The following ZFYVE1 variants were observed in gnomAD, a reference collection of about 807,000 sequenced individuals.
ZFYVE1 encodes the protein zinc finger FYVE domain-containing protein 1.
In ZFYVE1, 30 loss-of-function variants were observed where a neutral mutation model predicts 74.4. The observed-to-expected ratio is 0.40, with a 90% CI of 0.30 to 0.55. The LOEUF (loss-of-function observed/expected upper bound fraction) is 0.55. ZFYVE1 is among the 20% of genes least tolerant of loss of function. The pLI is 0.42. For missense variants in ZFYVE1, 703 were observed against 1,011.6 expected (o/e 0.69, Z 4.14); for synonymous variants, 335 against 385.1 (o/e 0.87, Z 1.52).
Position 72,978,047 on chromosome 14 carries a change from A to G in ZFYVE1, c.1518-3T>C. ...AGTTAGGACATTCGATCACATACCT[A>G]CAAGGAAAGCAAATCAATACTGTTA... On this transcript the variant is annotated splice_region_variant and splice_polypyrimidine_tract_variant and intron_variant, in intron 7 of 11. Coordinates refer to ENST00000556143, the MANE Select transcript of ZFYVE1 (RefSeq NM_021260.4). The G allele has an allele frequency of 1.2e-6, 2 of 1,614,178 alleles. No homozygotes were observed. The highest frequency in any genetic ancestry group is 1.7e-6 in the Non-Finnish European group (2 of 1,180,016).
At chr14:72,998,929 T>A (rs1893811265) in intron 2 of ZFYVE1, among the ~76,000 whole-genome samples, 1 of 149,496 alleles carries the variant, frequency 6.7e-6, no homozygotes, top group South Asian at 2.1e-4. Context: ...CATGGTGAAA[T>A]CCTGTCTCTG....
Position 73,026,991 on chromosome 14 carries a change from C to CA in ZFYVE1, c.-501_-500insT. On this transcript the variant is annotated 5_prime_UTR_variant, in exon 1 of 12. The change creates a new upstream start codon in the 5' untranslated region. Coordinates refer to ENST00000556143, the MANE Select transcript of ZFYVE1 (RefSeq NM_021260.4). ...CGCAGGGCGCCAGTGGGGGCAGAGG[C>CA]TATTCCTCAGGACACCGGCAGATCC... is the stretch of plus-strand genomic sequence containing the variant. 1 of 398,878 alleles carries CA rather than the reference C, an allele frequency of 2.5e-6. No homozygotes were observed. Among genetic ancestry groups the CA allele is most frequent in the Non-Finnish European group, 4.4e-6 (1 of 226,286 alleles). 24.7% of individuals were successfully genotyped at this position (398,878 alleles called of 1,614,324 possible). A position where few individuals can be genotyped will look rare whatever the true frequency, so the allele number is the denominator to read the frequency against.
intron 4 of ZFYVE1, among the ~76,000 whole-genome samples, chr14:72,989,676 G>A (rs779280094): frequency 6.6e-6 from 1 of 152,058 alleles, no homozygotes; most frequent in Admixed American, 6.6e-5. Context: ...TATTGGGAAG[G>A]AATACAGCAT....
In ZFYVE1 at chr14:72,970,996, G is replaced by A. The variant is rs1295808801; in HGVS notation, c.2220C>T (p.Cys740=). 6.2e-6 allele frequency: 10 copies of A among 1,614,236 alleles called. No individual in the cohort carries two copies. Among genetic ancestry groups the A allele is most frequent in the Middle Eastern group, 1.6e-4 (1 of 6,062 alleles). ...IKLSKHHCRA[C]GQGFCDECSH... is the part of the protein sequence containing the mutation. ...AGCACTCATCACAGAAGCCCTGTCCGCAGGCCCGGCAGTGGTGCTTGGAGA... is the reference window on the plus strand; with the variant it reads ...AGCACTCATCACAGAAGCCCTGTCCACAGGCCCGGCAGTGGTGCTTGGAGA... Residue 740 remains cysteine (C), a synonymous_variant, in exon 12 of 12, where the codon TGC becomes TGT. Transcript: ENST00000556143.
intron 4 of ZFYVE1, among the ~76,000 whole-genome samples, chr14:72,992,651 CT>C (rs1248279337): frequency 7.5e-6 from 1 of 133,834 alleles, no homozygotes; most frequent in African/African-American, 2.9e-5. Context: ...GAGAGCTGTT[CT>C]TTCTCTTTCT....
chr14:72,976,084 T>C (rs1382110540), intron 8 of ZFYVE1: 2 of 193,792 alleles, frequency 1.0e-5, no homozygotes, highest in Non-Finnish European at 2.1e-5. Context: ...TCCATTTAGG[T>C]ATCTGACTTC....
chr14:73,017,460 C>T (rs934237344), intron 2 of ZFYVE1, among the ~76,000 whole-genome samples: 1 of 152,186 alleles, frequency 6.6e-6, no homozygotes, highest in South Asian at 2.1e-4. Flanking sequence ...TGATTGACAA[C>T]CACTGTGTTA....
At chr14:73,016,134 A>G (rs1192716899) in intron 2 of ZFYVE1, among the ~76,000 whole-genome samples, 1 of 152,080 alleles carries the variant, frequency 6.6e-6, no homozygotes, top group Non-Finnish European at 1.5e-5. Flanking sequence ...CTGACCTTTA[A>G]CTTATTTGCT....
intron 8 of ZFYVE1, among the ~76,000 whole-genome samples, chr14:72,977,687 T>C (rs759042980): frequency 1.3e-5 from 2 of 152,004 alleles, no homozygotes; most frequent in Non-Finnish European, 2.9e-5. Context: ...GCCAAAGGAG[T>C]AAAACTATAG....
intron 2 of ZFYVE1, among the ~76,000 whole-genome samples, chr14:73,019,507 A>G (rs1894270733): frequency 6.6e-6 from 1 of 152,186 alleles, no homozygotes; most frequent in African/African-American, 2.4e-5. Flanking sequence ...AACCTAACTG[A>G]TAGACACTTT....
chr14:73,006,445 C>T (rs1893980858), intron 2 of ZFYVE1, among the ~76,000 whole-genome samples: 1 of 151,546 alleles, frequency 6.6e-6, no homozygotes, highest in South Asian at 2.1e-4. Flanking sequence ...TGTGGTGGCA[C>T]ATGCCTGTAA....
At chr14:72,999,677 TCAGA>T (rs1594851449) in intron 2 of ZFYVE1, among the ~76,000 whole-genome samples, 1 of 152,116 alleles carries the variant, frequency 6.6e-6, no homozygotes, top group East Asian at 1.9e-4. Context: ...ATTTGTAATC[TCAGA>T]CACTCAACAA....
In ZFYVE1 at chr14:73,013,871, C is replaced by A. The variant is rs562232956; in HGVS notation, c.483+10155G>T. Among the ~76,000 whole-genome samples, 3 of 152,238 alleles carry A rather than the reference C, an allele frequency of 2.0e-5. No homozygotes were observed. The South Asian group carries it at 6.2e-4, about 32-fold the overall frequency. ...GAAATGATCTCATGAGAGCTCCTCC[C>A]GAAGTAGGGAAGACTCCCCAGAAAA... On this transcript the variant is annotated intron_variant, in intron 2 of 11. Coordinates refer to ENST00000556143, the MANE Select transcript of ZFYVE1 (RefSeq NM_021260.4).
At chr14:73,022,078 T>C (rs1894330751) in intron 2 of ZFYVE1, among the ~76,000 whole-genome samples, 1 of 152,136 alleles carries the variant, frequency 6.6e-6, no homozygotes, top group Non-Finnish European at 1.5e-5. Flanking sequence ...CCATCAAGAA[T>C]CACCCAAAAT....
rs1233900294 is a variant in ZFYVE1 at position 73,024,521 on chromosome 14, A to G, written c.-13T>C. 1 of 1,580,898 alleles carries G rather than the reference A, an allele frequency of 6.3e-7. No homozygotes were observed. The highest frequency in any genetic ancestry group is 1.2e-5 in the South Asian group (1 of 85,834). On this transcript the variant is annotated 5_prime_UTR_variant, in exon 2 of 12. Transcript: ENST00000556143. The stretch of plus-strand genomic sequence containing the variant: ...TCTGGGCACTCATACTCACGCTGGT[A>G]AGGAAACACACCCACCATATAATAG...
intron 3 of ZFYVE1, among the ~76,000 whole-genome samples, chr14:72,996,235 G>A (rs949381023): frequency 1.3e-5 from 2 of 152,192 alleles, no homozygotes; most frequent in East Asian, 1.9e-4. Context: ...TTTTGATGTA[G>A]TCAAAAGCCA....
At chr14:73,022,443 T>C (rs1169076701) in intron 2 of ZFYVE1, among the ~76,000 whole-genome samples, 1 of 152,188 alleles carries the variant, frequency 6.6e-6, no homozygotes, top group Non-Finnish European at 1.5e-5. Context: ...TCAAAAGTAC[T>C]GAGTCAGTGG....
intron 3 of ZFYVE1, among the ~76,000 whole-genome samples, chr14:72,995,810 C>T (rs1893731098): frequency 6.6e-6 from 1 of 152,144 alleles, no homozygotes; most frequent in Non-Finnish European, 1.5e-5. Flanking sequence ...CAGATTCAAC[C>T]TCCTTTATGG....
chr14:73,011,955 C>T (rs1260086197), intron 2 of ZFYVE1, among the ~76,000 whole-genome samples: 1 of 151,754 alleles, frequency 6.6e-6, no homozygotes, highest in Non-Finnish European at 1.5e-5. Context: ...GTGGCTCACG[C>T]CTGTAATCCC....
Sources: gnomAD v4.1 joint callset for allele counts (sites outside exome capture counted in the v4.1 genomes callset) on GRCh38, gnomAD v4.1.1 for gene constraint, MANE v1.5 for transcripts, NCBI Gene and HGNC (gene_info 2026-07-23, HGNC 2026-07-21) for gene names.